NREP: variants seen among roughly 807,000 people sequenced by gnomAD.
NREP encodes the protein neuronal regeneration related protein.
In NREP, 5 loss-of-function variants were observed where a neutral mutation model predicts 8.6. The observed-to-expected ratio is 0.58, with a 90% CI of 0.30 to 1.22. The LOEUF (loss-of-function observed/expected upper bound fraction) is 1.22, where lower values mean the gene tolerates loss of function less well. NREP is among the 50% of genes most tolerant of loss of function. The pLI is 0.07. For missense variants in NREP, 86 were observed against 82.5 expected (o/e 1.04, Z -0.17); for synonymous variants, 27 against 28.0 (o/e 0.96, Z 0.11).
chr5:111,900,847 C>A (rs1754630047), intron 2 of NREP, among the ~76,000 whole-genome samples: 1 of 152,114 alleles, frequency 6.6e-6, no homozygotes, highest in African/African-American at 2.4e-5. Flanking sequence ...TAACTAACAT[C>A]AATTCTTCTC....
chr5:111,812,994 T>A (rs1209493932), intron 2 of NREP, among the ~76,000 whole-genome samples: 1 of 152,192 alleles, frequency 6.6e-6, no homozygotes, highest in African/African-American at 2.4e-5. Context: ...TACACCAGCA[T>A]AACCCAAATG....
At chr5:111,776,388 A>G (rs764562292) in intron 2 of NREP, among the ~76,000 whole-genome samples, 5 of 152,196 alleles carry the variant, frequency 3.3e-5, no homozygotes, top group Non-Finnish European at 5.9e-5. Context: ...AAATTGGAAC[A>G]TCTATTTTGG....
At chr5:111,856,839 G>C (rs1753437682) in intron 2 of NREP, among the ~76,000 whole-genome samples, 1 of 151,586 alleles carries the variant, frequency 6.6e-6, no homozygotes, top group Non-Finnish European at 1.5e-5. Flanking sequence ...GCTTCCTTTT[G>C]ACAAAAAGTA....
At chr5:111,865,229 A>C (rs978973278) in intron 2 of NREP, among the ~76,000 whole-genome samples, 2 of 152,158 alleles carry the variant, frequency 1.3e-5, no homozygotes, top group Non-Finnish European at 2.9e-5. Context: ...AAAAGCCCTT[A>C]GTAACATCTA....
At chr5:111,898,934 A>T (rs1754577236) in intron 2 of NREP, among the ~76,000 whole-genome samples, 2 of 152,110 alleles carry the variant, frequency 1.3e-5, no homozygotes, top group South Asian at 4.1e-4. Context: ...GAATAAGGTG[A>T]TATATTCAAA....
intron 2 of NREP, among the ~76,000 whole-genome samples, chr5:111,817,499 T>A (rs182714627): frequency 2.4e-3 from 370 of 152,276 alleles, no homozygotes; most frequent in Middle Eastern, 0.014. Context: ...GATTTTTAAC[T>A]TTTTTCCTTT....
At chr5:111,955,578 T>G (rs1756292861) in intron 2 of NREP, among the ~76,000 whole-genome samples, 1 of 152,134 alleles carries the variant, frequency 6.6e-6, no homozygotes, top group African/African-American at 2.4e-5. Flanking sequence ...AAGCAATTTC[T>G]TTCTGAGTCT....
chr5:111,786,341 T>C (rs1479140419), intron 2 of NREP, among the ~76,000 whole-genome samples: 1 of 152,154 alleles, frequency 6.6e-6, no homozygotes, highest in African/African-American at 2.4e-5. Flanking sequence ...ACTTCTTTCC[T>C]TTATAAATTA....
chr5:111,901,398 T>G (rs1754643058), intron 2 of NREP, among the ~76,000 whole-genome samples: 1 of 152,110 alleles, frequency 6.6e-6, no homozygotes, highest in African/African-American at 2.4e-5. Context: ...GCTCAAAACC[T>G]TTCCTCTAAG....
At chr5:111,892,392 A>T (rs181292048) in intron 2 of NREP, among the ~76,000 whole-genome samples, 19 of 152,360 alleles carry the variant, frequency 1.2e-4, no homozygotes, top group African/African-American at 4.6e-4. Flanking sequence ...CAGGAAATGA[A>T]AAGCCCTATC....
intron 2 of NREP, among the ~76,000 whole-genome samples, chr5:111,904,833 A>G (rs987640296): frequency 6.6e-6 from 1 of 152,112 alleles, no homozygotes; most frequent in East Asian, 1.9e-4. Context: ...AACAAGACCA[A>G]GAATATAACC....
At chr5:111,884,471 TTA>T (rs1436782840) in intron 2 of NREP, among the ~76,000 whole-genome samples, 1 of 152,144 alleles carries the variant, frequency 6.6e-6, no homozygotes, top group Non-Finnish European at 1.5e-5. Flanking sequence ...CTAACTCATT[TTA>T]TGAGGCCAGC....
intron 1 of NREP, chr5:111,975,447 G>C (rs768703595): frequency 8.2e-5 from 84 of 1,028,090 alleles, no homozygotes; most frequent in Admixed American, 1.2e-4. Flanking sequence ...CACAGCTCCA[G>C]CAATTCAGAG....
chr5:111,950,671 A>G (rs1351667492), intron 2 of NREP, among the ~76,000 whole-genome samples: 2 of 151,462 alleles, frequency 1.3e-5, no homozygotes, highest in Non-Finnish European at 2.9e-5. Flanking sequence ...AATATCCAGT[A>G]TCTCCAGGGA....
chr5:111,822,990 A>G (rs1341644617), intron 2 of NREP, among the ~76,000 whole-genome samples: 2 of 152,258 alleles, frequency 1.3e-5, no homozygotes, highest in African/African-American at 4.8e-5. Flanking sequence ...AATTCATTGA[A>G]AAAAGGTTTA....
intron 2 of NREP, among the ~76,000 whole-genome samples, chr5:111,963,742 A>T (rs1756546407): frequency 6.6e-6 from 1 of 152,178 alleles, no homozygotes; most frequent in African/African-American, 2.4e-5. Context: ...GCAAGAAGGG[A>T]CTCAGTTGGT....
intron 2 of NREP, among the ~76,000 whole-genome samples, chr5:111,959,805 G>A (rs1019937920): frequency 6.6e-6 from 1 of 152,078 alleles, no homozygotes; most frequent in African/African-American, 2.4e-5. Context: ...TTCCACTGAT[G>A]TATATACACC....
intron 2 of NREP, among the ~76,000 whole-genome samples, chr5:111,878,630 A>G (rs1450259890): frequency 6.6e-6 from 1 of 152,166 alleles, no homozygotes; most frequent in Non-Finnish European, 1.5e-5. Flanking sequence ...TTAGATTTTA[A>G]TGAATTTGTT....
chr5:111,770,486 T>C (rs1751190634), intron 2 of NREP, among the ~76,000 whole-genome samples: 1 of 151,592 alleles, frequency 6.6e-6, no homozygotes, highest in African/African-American at 2.4e-5. Flanking sequence ...AAAGTTGAAA[T>C]TAAGTTGATG....
Sources: allele counts gnomAD v4.1 joint callset (sites outside exome capture counted in the v4.1 genomes callset), GRCh38; gene constraint gnomAD v4.1.1; transcripts MANE v1.5; gene names NCBI Gene and HGNC (gene_info 2026-07-23, HGNC 2026-07-21).